Variants in EXT2 observed in about 807,000 individuals in gnomAD.
EXT2 encodes exostosin glycosyltransferase 2, also known as exostosin-2.
Under a neutral mutation model 81.6 loss-of-function variants are expected in EXT2, and 53 were observed. That is an observed-to-expected ratio of 0.65 (90% CI 0.52 to 0.82). EXT2 has a LOEUF of 0.82. Among genes scored for constraint, EXT2 ranks in the 40% least tolerant of loss-of-function variants. The probability of loss-of-function intolerance (pLI) is 0.00; values close to 1 mark genes in which losing one functional copy is unlikely to be tolerated. For missense variants in EXT2, 774 were observed against 910.2 expected, an observed-to-expected ratio of 0.85 and a Z score of 1.93; for synonymous variants, 320 against 340.0, an observed-to-expected ratio of 0.94 and a Z score of 0.65.
chr11:44,124,273 C>A (rs967243599), intron 4 of EXT2, among the ~76,000 whole-genome samples: 1 of 152,128 alleles, frequency 6.6e-6, no homozygotes, highest in African/African-American at 2.4e-5. Context: ...TGTTAGACAG[C>A]CAGGAGCAGC....
chr11:44,111,098 G>A (rs1021057043), intron 3 of EXT2, among the ~76,000 whole-genome samples: 1 of 152,168 alleles, frequency 6.6e-6, no homozygotes, highest in Non-Finnish European at 1.5e-5. Flanking sequence ...AGATTAGACT[G>A]CTTTAAGATC....
In EXT2 at chr11:44,107,915, T is replaced by G; in HGVS notation, c.203T>G (p.Val68Gly). ...VEKRSIRDVP[V>G]VRLPADSPIP... Reference sequence around the variant, plus strand: ...AAGCGCAGCATCCGTGATGTGCCGGTTGTTAGGCTGCCAGCCGACAGTCCC... The same window carrying G: ...AAGCGCAGCATCCGTGATGTGCCGGGTGTTAGGCTGCCAGCCGACAGTCCC... The change falls in exon 2 of 14, where the codon GTT becomes GGT. Residue 68 changes from valine (V) to glycine (G), a missense_variant. Transcript: ENST00000533608. The G allele has an allele frequency of 6.2e-7, 1 of 1,614,228 alleles. No individual in the cohort carries two copies. Among genetic ancestry groups the G allele is most frequent in the Non-Finnish European group, 8.5e-7 (1 of 1,180,036 alleles).
At chr11:44,144,828 C>T (rs1034571284) in intron 7 of EXT2, among the ~76,000 whole-genome samples, 13 of 152,120 alleles carry the variant, frequency 8.5e-5, no homozygotes, top group Non-Finnish European at 1.5e-5. Flanking sequence ...GCTCTTTCAC[C>T]CCTTATTCTT....
At chr11:44,223,840 A>T (rs1030090535) in intron 10 of EXT2, among the ~76,000 whole-genome samples, 2 of 151,986 alleles carry the variant, frequency 1.3e-5, no homozygotes, top group Non-Finnish European at 2.9e-5. Flanking sequence ...TTCAGTAGAG[A>T]CGGGGTTTCA....
chr11:44,186,414 G>A (rs1955311741), intron 8 of EXT2, among the ~76,000 whole-genome samples: 1 of 152,184 alleles, frequency 6.6e-6, no homozygotes, highest in Non-Finnish European at 1.5e-5. Context: ...GGAAGCTGCA[G>A]CCAGATGAGG....
At chr11:44,157,715 C>T (rs956208488) in intron 7 of EXT2, among the ~76,000 whole-genome samples, 3 of 152,168 alleles carry the variant, frequency 2.0e-5, no homozygotes, top group African/African-American at 4.8e-5. Flanking sequence ...TGGTACTCTA[C>T]CCTGCTATGG....
At chr11:44,204,866 G>A (rs989107444) in intron 9 of EXT2, among the ~76,000 whole-genome samples, 4 of 152,088 alleles carry the variant, frequency 2.6e-5, no homozygotes, top group African/African-American at 7.2e-5. Context: ...GAGGATGACT[G>A]TTATAATGTA....
intron 7 of EXT2, among the ~76,000 whole-genome samples, chr11:44,169,124 G>A (rs1955035378): frequency 6.6e-6 from 1 of 152,224 alleles, no homozygotes; most frequent in South Asian, 2.1e-4. Context: ...GGAGGCTGAG[G>A]CAGGAGAATC....
chr11:44,237,902 TAAAAAAA>T (rs374084527), intron 13 of EXT2, among the ~76,000 whole-genome samples: 1 of 56,364 alleles, frequency 1.8e-5, no homozygotes, highest in Non-Finnish European at 3.3e-5. Flanking sequence ...CGTCTCTACT[TAAAAAAA>T]AAAAAAAAAA....
intron 13 of EXT2, among the ~76,000 whole-genome samples, chr11:44,241,010 A>G (rs1455205296): frequency 6.6e-6 from 1 of 152,208 alleles, no homozygotes; most frequent in African/African-American, 2.4e-5. Flanking sequence ...TACACATTTT[A>G]TGCAAAACAA....
chr11:44,207,037 T>G, intron 10 of EXT2, 78 bp downstream of exon 10: 3 of 1,471,996 alleles, frequency 2.0e-6, no homozygotes, highest in Non-Finnish European at 1.9e-6. Flanking sequence ...AAAAAGAGTA[T>G]TATATTTCCT....
rs1454249763 is a variant in EXT2, at chr11:44,246,700, T to C, written c.*2413T>C. On this transcript the variant is annotated 3_prime_UTR_variant, in exon 14 of 14. Transcript: ENST00000533608. ...TCACCGTAGAAATTCAAGACAGGGA[T>C]ATAGCAGGTGATGGCGATTCATGGA... 6.6e-6 allele frequency among the ~76,000 whole-genome samples: 1 copy of C among 152,184 alleles called. No homozygotes were observed. The highest frequency in any genetic ancestry group is 2.4e-5 in the African/African-American group (1 of 41,456).
At chr11:44,204,552 G>C (rs994178864) in intron 9 of EXT2, among the ~76,000 whole-genome samples, 10 of 152,200 alleles carry the variant, frequency 6.6e-5, no homozygotes. Context: ...CCAACCCTGG[G>C]CCATGAACCC....
chr11:44,137,151 A>G (rs970032186), intron 7 of EXT2, among the ~76,000 whole-genome samples: 1 of 152,096 alleles, frequency 6.6e-6, no homozygotes, highest in Non-Finnish European at 1.5e-5. Context: ...TATTTTTTTC[A>G]ACTTTGTTAT....
intron 3 of EXT2, among the ~76,000 whole-genome samples, chr11:44,113,506 A>G (rs890987567): frequency 2.6e-5 from 4 of 152,124 alleles, no homozygotes; most frequent in Non-Finnish European, 4.4e-5. Context: ...AAGGAGAGTA[A>G]CGGCTAGTAC....
chr11:44,101,110 G>A (rs1234162394), intron 1 of EXT2, among the ~76,000 whole-genome samples: 1 of 152,206 alleles, frequency 6.6e-6, no homozygotes, highest in East Asian at 1.9e-4. Context: ...AGTGGGTTGG[G>A]GGTGGGGTGG....
intron 1 of EXT2, among the ~76,000 whole-genome samples, chr11:44,099,919 G>T (rs1159520276): frequency 6.6e-6 from 1 of 152,042 alleles, no homozygotes; most frequent in East Asian, 1.9e-4. Context: ...TTATTCCTCA[G>T]AGTTTGATAC....
intron 10 of EXT2, among the ~76,000 whole-genome samples, chr11:44,226,447 T>C (rs887144701): frequency 1.3e-5 from 2 of 152,234 alleles, no homozygotes; most frequent in Non-Finnish European, 2.9e-5. Context: ...CATTGAATTG[T>C]GTCCCAGGAG....
intron 12 of EXT2, among the ~76,000 whole-genome samples, chr11:44,235,051 C>G (rs966516162): frequency 2.0e-5 from 3 of 152,084 alleles, no homozygotes. Context: ...CCAGATTAAA[C>G]CAAAGTGTAT....
Sources: allele counts gnomAD v4.1 joint callset (sites outside exome capture counted in the v4.1 genomes callset), GRCh38; gene constraint gnomAD v4.1.1; transcripts MANE v1.5; gene names NCBI Gene and HGNC (gene_info 2026-07-23, HGNC 2026-07-21).